Variants in IRAK4 observed in about 807,000 individuals in gnomAD.
IRAK4 encodes interleukin 1 receptor associated kinase 4.
Under a neutral mutation model 51.8 loss-of-function variants are expected in IRAK4, and 44 were observed. That is an observed-to-expected ratio of 0.85 (90% confidence interval 0.67 to 1.09). IRAK4 has a LOEUF of 1.09. Ranked by LOEUF, IRAK4 falls within the 50% of genes least tolerant of loss-of-function variation. The pLI is 0.00. For synonymous variants in IRAK4, 149 were observed against 174.1 expected (o/e 0.86, Z 1.13); for missense variants, 487 against 538.0 (o/e 0.91, Z 0.94).
In IRAK4 at chr12:43,758,993, C is replaced by T. The variant is rs896648949; in HGVS notation, c.-33C>T. The T allele has an allele frequency of 1.3e-5, 2 of 152,422 alleles. No homozygotes were observed. Among genetic ancestry groups the T allele is most frequent in the African/African-American group, 4.8e-5 (2 of 41,460 alleles). 9.4% of individuals were successfully genotyped at this position (152,422 alleles called of 1,614,324 possible). A position where few individuals can be genotyped will look rare whatever the true frequency, so the allele number is the denominator to read the frequency against. Reference sequence around the variant, plus strand: ...GTTCGGCTGGTTCTTCTGTCGCCGGCTTCAGCAGCCCGCGCCCGGGCAGGT... The same window carrying T: ...GTTCGGCTGGTTCTTCTGTCGCCGGTTTCAGCAGCCCGCGCCCGGGCAGGT... On this transcript the variant is annotated 5_prime_UTR_variant, in exon 1 of 12. Coordinates refer to ENST00000613694, the MANE Select transcript of IRAK4 (RefSeq NM_016123.4).
intron 2 of IRAK4, among the ~76,000 whole-genome samples, chr12:43,770,181 TAAAGAAATGG>T (rs1252721502): frequency 6.6e-6 from 1 of 152,222 alleles, no homozygotes; most frequent in Admixed American, 6.5e-5. Context: ...TTTTTGATTT[TAAAGAAATGG>T]AAAGAAATGG....
At chr12:43,785,639 T>TAC (rs1491288976) in intron 10 of IRAK4, among the ~76,000 whole-genome samples, 2 of 134,728 alleles carry the variant, frequency 1.5e-5, no homozygotes, top group Non-Finnish European at 3.3e-5. Flanking sequence ...TATATATATT[T>TAC]ATATATATAT....
intron 8 of IRAK4, among the ~76,000 whole-genome samples, chr12:43,778,892 A>G (rs1025047821): frequency 2.6e-5 from 4 of 152,188 alleles, no homozygotes; most frequent in African/African-American, 9.6e-5. Context: ...AAGTAGACAC[A>G]ATTTGAGGGT....
At chr12:43,768,340 G>C (rs569392572) in intron 2 of IRAK4, 68 bp downstream of exon 2, 2 of 1,230,474 alleles carry the variant, frequency 1.6e-6, no homozygotes, top group African/African-American at 1.5e-5. Flanking sequence ...ATTGGTATAA[G>C]TACTGTCTAA....
chr12:43,776,107 G>C (rs1051324523), intron 6 of IRAK4, among the ~76,000 whole-genome samples: 3 of 151,902 alleles, frequency 2.0e-5, no homozygotes, highest in Non-Finnish European at 4.4e-5. Context: ...GGATGGTTTA[G>C]ATCTGACGTC....
chr12:43,767,050 T>A (rs1273636060), intron 1 of IRAK4, among the ~76,000 whole-genome samples: 1 of 152,228 alleles, frequency 6.6e-6, no homozygotes, highest in African/African-American at 2.4e-5. Context: ...TTTCGCTTTT[T>A]ACTCTTTTTG....
intron 2 of IRAK4, among the ~76,000 whole-genome samples, chr12:43,769,878 A>G (rs1940566481): frequency 6.6e-6 from 1 of 152,306 alleles, no homozygotes. Context: ...GAATTTAATC[A>G]TGAGAAAGTA....
rs565433244 is a variant in IRAK4, at chr12:43,782,213, T to C, written c.942-94T>C. The C allele has an allele frequency of 6.9e-5, 53 of 769,088 alleles. No individual in the cohort carries two copies. The Middle Eastern group carries it at 1.2e-3, about 18-fold the overall frequency. 47.6% of individuals were successfully genotyped at this position (769,088 alleles called of 1,614,324 possible). A position where few individuals can be genotyped will look rare whatever the true frequency, so the allele number is the denominator to read the frequency against. ...ATATGCATGTATGCATATACATATA[T>C]ACATGCATACATACGTACATCTAGC... On this transcript the variant is annotated intron_variant, in intron 8 of 11. Transcript: ENST00000613694.
In IRAK4 at chr12:43,772,927, C is replaced by T. The variant is rs747296110; in HGVS notation, c.506C>T (p.Ser169Leu). 70 of 1,607,442 alleles carry T rather than the reference C, an allele frequency of 4.4e-5. 1 individual carries two copies. The East Asian group carries it at 1.5e-3, about 34-fold the overall frequency. ...TTTGACATAGGTTTTCACAGTTTTTCATTTTATGAATTGAAGAATGTCACA... is the reference window on the plus strand; with the variant it reads ...TTTGACATAGGTTTTCACAGTTTTTTATTTTATGAATTGAAGAATGTCACA... ...EVSDTRFHSFSFYELKNVTNN... is the reference protein window; with the variant it reads ...EVSDTRFHSFLFYELKNVTNN... The change falls in exon 5 of 12, where the codon TCA (serine) becomes TTA (leucine). Residue 169 changes from serine to leucine, a missense_variant. Physicochemically the swap from Ser to Leu is moderately radical, Grantham distance 145. Transcript: ENST00000613694.
rs533369384 is a variant in IRAK4, at chr12:43,786,496, T to C, written c.1286T>C (p.Met429Thr). Residue 429 changes from methionine (M) to threonine (T), a missense_variant, in exon 11 of 12, where the codon ATG (methionine) becomes ACG (threonine). Coordinates refer to ENST00000613694, the MANE Select transcript of IRAK4 (RefSeq NM_016123.4). The part of the protein sequence containing the change: ...NDADSTSVEA[M>T]YSVASQCLHE... ...GCTGATTCCACTTCAGTTGAAGCTA[T>C]GTACTCTGTTGCTAGTCAATGTCTG... is the stretch of plus-strand genomic sequence containing the variant. The C allele has an allele frequency of 6.2e-7, 1 of 1,613,540 alleles. No homozygotes were observed. Among genetic ancestry groups the C allele is most frequent in the South Asian group, 1.1e-5 (1 of 90,954 alleles).
intron 1 of IRAK4, among the ~76,000 whole-genome samples, chr12:43,760,604 G>C (rs4251429): frequency 0.099 from 15,012 of 152,190 alleles, 1,852 homozygotes; most frequent in African/African-American, 0.29. Context: ...AGTGGGCCCA[G>C]TTCCAACCTT....
At chr12:43,772,389 C>T in intron 4 of IRAK4, 27 bp downstream of exon 4, 1 of 1,590,288 alleles carries the variant, frequency 6.3e-7, no homozygotes, top group Non-Finnish European at 8.6e-7. Context: ...GTGCTTTCCA[C>T]TAGGGATTTG....
rs1942308147 is a variant in IRAK4, at chr12:43,787,762, A to C, written c.*1047A>C. On this transcript the variant is annotated 3_prime_UTR_variant, in exon 12 of 12. Coordinates refer to ENST00000613694, the MANE Select transcript of IRAK4 (RefSeq NM_016123.4). ...TTCTAATATATAGAACTGTGAGATA[A>C]TGGGTCACATTGGCTGGATGTGGTG... 6.6e-6 allele frequency: 1 copy of C among 152,306 alleles called. No homozygotes were observed. Among genetic ancestry groups the C allele is most frequent in the South Asian group, 2.1e-4 (1 of 4,830 alleles). The allele number at this position is 152,306 out of a possible 1,614,324, so 9.4% of individuals were successfully genotyped here.
In IRAK4 at chr12:43,772,382, C is replaced by A; in HGVS notation, c.490+20C>A. On this transcript the variant is annotated intron_variant, in intron 4 of 11. Transcript: ENST00000613694. ...ATACACGTAAGTAACATTTTCAGTG[C>A]TTTCCACTAGGGATTTGTCATTAAG... 6.3e-7 allele frequency: 1 copy of A among 1,598,120 alleles called. No individual in the cohort carries two copies. The highest frequency in any genetic ancestry group is 1.7e-4 in the Middle Eastern group (1 of 6,044).
At chr12:43,781,498 C>G (rs555475439) in intron 8 of IRAK4, among the ~76,000 whole-genome samples, 87 of 152,148 alleles carry the variant, frequency 5.7e-4, no homozygotes, top group Non-Finnish European at 1.1e-3. Context: ...ACCTGTTACT[C>G]CATTTGCCTG....
intron 2 of IRAK4, chr12:43,770,992 A>G (rs940412235): frequency 1.9e-5 from 13 of 677,242 alleles, no homozygotes; most frequent in Admixed American, 4.1e-5. Context: ...TCTCTTTCAC[A>G]TGCACGTGTG....
intron 9 of IRAK4, 38 bp from the exon 10 acceptor site, chr12:43,783,624 C>T: frequency 7.6e-7 from 1 of 1,312,074 alleles, no homozygotes; most frequent in South Asian, 1.2e-5. Context: ...CCCAGCCTAT[C>T]TTGTGTATTA....
intron 1 of IRAK4, among the ~76,000 whole-genome samples, chr12:43,764,334 G>T (rs1437935450): frequency 6.6e-6 from 1 of 152,206 alleles, no homozygotes; most frequent in East Asian, 1.9e-4. Flanking sequence ...TGAGGCAGGA[G>T]AATCGCTTAA....
intron 10 of IRAK4, among the ~76,000 whole-genome samples, chr12:43,785,050 T>C (rs2138072313): frequency 6.6e-6 from 1 of 152,008 alleles, no homozygotes; most frequent in South Asian, 2.1e-4. Context: ...GAGGCCAGAG[T>C]CTGAAATCAA....
Sources: gnomAD v4.1 joint callset for allele counts (sites outside exome capture counted in the v4.1 genomes callset) on GRCh38, gnomAD v4.1.1 for gene constraint, MANE v1.5 for transcripts, NCBI Gene and HGNC (gene_info 2026-07-23, HGNC 2026-07-21) for gene names.